The following CIT variants were observed in gnomAD, a reference collection of about 807,000 sequenced individuals.
The protein encoded by CIT is citron rho-interacting serine/threonine kinase, also known as citron Rho-interacting kinase.
A neutral mutation model predicts 272.7 loss-of-function variants in CIT; 79 were observed. The observed-to-expected ratio is 0.29, with a 90% confidence interval of 0.24 to 0.35. CIT has a LOEUF of 0.35. Ranked by LOEUF, CIT falls within the 10% of genes least tolerant of loss-of-function variation. The pLI, the probability that CIT is intolerant of heterozygous loss-of-function variation, is 1.00. For missense variants in CIT, 1,909 were observed against 2,618.3 expected (o/e 0.73, Z 5.91); for synonymous variants, 948 against 995.6 (o/e 0.95, Z 0.90).
rs758261283 is a variant in CIT, at chr12:119,767,108, C to T, written c.2283G>A (p.Gln761=). The change falls in exon 19 of 48, where the codon CAG becomes CAA. Residue 761 remains glutamine, a synonymous_variant. Coordinates refer to ENST00000392521, the MANE Select transcript of CIT (RefSeq NM_001206999.2). ...TTACTTTAATCTTTTCCTCATAGTG[C>T]TGCTCTTTCTGTTTCAGGTGCACTT... ...HLEVHLKQKE[Q]HYEEKIKVLD... is the part of the protein sequence containing the mutation. 1.6e-5 allele frequency: 26 copies of T among 1,610,612 alleles called. No individual in the cohort carries two copies. In the South Asian group the frequency reaches 2.1e-4, roughly 13 times the overall value.
At chr12:119,785,100 C>T in intron 10 of CIT, 35 bp from the exon 11 acceptor site, 2 of 1,608,264 alleles carry the variant, frequency 1.2e-6, no homozygotes, top group East Asian at 4.5e-5. Flanking sequence ...AGGGGGCCTG[C>T]AGGTGGGCCT....
chr12:119,804,002 T>TA lies in CIT; in HGVS notation c.1112-614dup, dbSNP rs1406040798. On this transcript the variant is annotated intron_variant, in intron 9 of 47. Coordinates refer to ENST00000392521, the MANE Select transcript of CIT (RefSeq NM_001206999.2). The surrounding 1 kb of genome is among the most constrained non-coding windows in gnomAD (Gnocchi z 5.3). ...CTTATTAACCACTTTTTTTTTTTTT[T>TA]AGTTCATTATGCATCTTCCCCAGCG... 4.1e-6 allele frequency: 1 copy of TA among 245,340 alleles called. No homozygotes were observed. Among genetic ancestry groups the TA allele is most frequent in the Non-Finnish European group, 6.5e-6 (1 of 153,770 alleles). The allele number at this position is 245,340 out of a possible 1,614,324, so 15.2% of individuals were successfully genotyped here. A position where few individuals can be genotyped will look rare whatever the true frequency, so the allele number is the denominator to read the frequency against.
At chr12:119,838,324 C>T (rs1010272807) in intron 5 of CIT, among the ~76,000 whole-genome samples, 23 of 152,150 alleles carry the variant, frequency 1.5e-4, no homozygotes, top group Admixed American at 1.1e-3. Flanking sequence ...CCACCCGCCT[C>T]GGTCTCCCAA....
rs987963143 is a variant in CIT, at chr12:119,862,721, A to C, written c.239-5023T>G. On this transcript the variant is annotated intron_variant, in intron 3 of 47. Transcript: ENST00000392521. Reference sequence around the variant, plus strand: ...GCTACTCAGGAGGCTGAGGCAGGAGAATTGCTTGAACTCAGGAGGTGGAGG... The same window carrying C: ...GCTACTCAGGAGGCTGAGGCAGGAGCATTGCTTGAACTCAGGAGGTGGAGG... 2.8e-5 allele frequency among the ~76,000 whole-genome samples: 4 copies of C among 143,664 alleles called. No homozygotes were observed. In the East Asian group the frequency reaches 8.9e-4, roughly 32 times the overall value. 94.2% of individuals were successfully genotyped at this position (143,664 alleles called of 152,430 possible).
intron 20 of CIT, 44 bp from the exon 21 acceptor site, chr12:119,758,744 A>G: frequency 7.7e-7 from 1 of 1,295,658 alleles, no homozygotes; most frequent in Non-Finnish European, 1.1e-6. Context: ...CCAGAACAGG[A>G]GTAACAGGGG....
intron 19 of CIT, 53 bp downstream of exon 19, chr12:119,767,034 A>C: frequency 7.5e-7 from 1 of 1,334,998 alleles, no homozygotes; most frequent in Non-Finnish European, 1.0e-6. Flanking sequence ...AAGAGATGGG[A>C]GCTACATGGT....
Position 119,803,328 on chromosome 12 carries a change from T to C in CIT, c.1173A>G (p.Pro391=), listed in dbSNP as rs1434232396. Residue 391 remains proline, a synonymous_variant, in exon 10 of 48, where the codon CCA becomes CCG. Transcript: ENST00000392521. ...SDDDTSNFDE[P]EKNSWVSSSP... ...AGGATGAAACCCACGAATTCTTCTC[T>C]GGTTCATCAAAATTGGAGGTGTCAT... 6.2e-7 allele frequency: 1 copy of C among 1,607,350 alleles called. No individual in the cohort carries two copies. Among genetic ancestry groups the C allele is most frequent in the Admixed American group, 1.7e-5 (1 of 59,344 alleles).
Position 119,720,565 on chromosome 12 carries a change from C to T in CIT, c.3753G>A (p.Lys1251=). 6.2e-7 allele frequency: 1 copy of T among 1,606,558 alleles called. No individual in the cohort carries two copies. The highest frequency in any genetic ancestry group is 1.1e-5 in the South Asian group (1 of 89,116). Residue 1251 remains lysine (K), a synonymous_variant, in exon 30 of 48, where the codon AAG becomes AAA. Coordinates refer to ENST00000392521, the MANE Select transcript of CIT (RefSeq NM_001206999.2). ...GAGAAATAGTGCCTTCCATTTTCAC[C>T]TTTTCATGAGAATAGAGAACCTAAA... ...ENIQVLYSHE[K]VKMEGTISQQ...
At chr12:119,776,461 C>G (rs1037472967) in intron 14 of CIT, 53 bp from the exon 15 acceptor site, 1 of 1,453,984 alleles carries the variant, frequency 6.9e-7, no homozygotes, top group African/African-American at 1.4e-5. Context: ...CTAAAAAAGT[C>G]GTGTAGACTA....
At chr12:119,799,519 G>A (rs763989721) in intron 10 of CIT, among the ~76,000 whole-genome samples, 1 of 152,076 alleles carries the variant, frequency 6.6e-6, no homozygotes, top group Admixed American at 6.5e-5. Flanking sequence ...TGGATCCATC[G>A]CTGTGTTTTC....
chr12:119,857,217 C>T (rs1301320645), intron 4 of CIT, among the ~76,000 whole-genome samples: 1 of 152,150 alleles, frequency 6.6e-6, no homozygotes, highest in Non-Finnish European at 1.5e-5. Context: ...ATCCTGAGTC[C>T]TCAGCTAATG....
chr12:119,776,550 T>A, intron 14 of CIT, 122 bp downstream of exon 14: 1 of 1,144,992 alleles, frequency 8.7e-7, no homozygotes, highest in Non-Finnish European at 1.3e-6. Flanking sequence ...CCAAGAGTTT[T>A]CCAAGGTATC....
Position 119,718,281 on chromosome 12 carries a change from G to A in CIT, c.4132C>T (p.Pro1378Ser). The change falls in exon 32 of 48, where the codon CCA becomes TCA. Residue 1378 changes from proline to serine, a missense_variant. Coordinates refer to ENST00000392521, the MANE Select transcript of CIT (RefSeq NM_001206999.2). This position sits in a 1 kb window ranked among gnomAD's most constrained non-coding sequence, Gnocchi z 4.8. Reference sequence around the variant, plus strand: ...GAAGACTCCTTTCTGCGGCTGGATGGCGGGGCCAGCAGGCTCATGGCACTG... The same window carrying A: ...GAAGACTCCTTTCTGCGGCTGGATGACGGGGCCAGCAGGCTCATGGCACTG... ...QPSAMSLLAP[P>S]SSRRKESSTP... The A allele has an allele frequency of 6.2e-7, 1 of 1,613,684 alleles. No homozygotes were observed. Among genetic ancestry groups the A allele is most frequent in the Non-Finnish European group, 8.5e-7 (1 of 1,179,714 alleles).
Position 119,770,763 on chromosome 12 carries a change from T to C in CIT, c.2208+22A>G. On this transcript the variant is annotated intron_variant, in intron 18 of 47. Transcript: ENST00000392521. This position sits in a 1 kb window ranked among gnomAD's most constrained non-coding sequence, Gnocchi z 4.4. Reference sequence around the variant, plus strand: ...ACTCTAACCTGTTATCTTTTAACTTTGCGACTTTCATTCCTGCTCACCAGA... The same window carrying C: ...ACTCTAACCTGTTATCTTTTAACTTCGCGACTTTCATTCCTGCTCACCAGA... The C allele has an allele frequency of 6.2e-7, 1 of 1,612,786 alleles. No homozygotes were observed. The highest frequency in any genetic ancestry group is 8.5e-7 in the Non-Finnish European group (1 of 1,179,816).
chr12:119,817,251 C>G (rs943551724), intron 9 of CIT, among the ~76,000 whole-genome samples: 4 of 152,058 alleles, frequency 2.6e-5, no homozygotes, highest in Non-Finnish European at 4.4e-5. Context: ...GTGGCTCATG[C>G]CTGTAATCCC....
intron 40 of CIT, among the ~76,000 whole-genome samples, chr12:119,707,534 T>C (rs551586543): frequency 2.0e-5 from 3 of 152,144 alleles, no homozygotes; most frequent in East Asian, 1.9e-4. Flanking sequence ...GTTTTTTTTT[T>C]CCCTGTCACC....
At chr12:119,819,144 C>A (rs755219136) in intron 9 of CIT, among the ~76,000 whole-genome samples, 26 of 152,202 alleles carry the variant, frequency 1.7e-4, no homozygotes, top group East Asian at 7.7e-4. Flanking sequence ...TGGAAAGCAG[C>A]CTTGAAATAA....
chr12:119,861,212 T>C (rs1950326152), intron 3 of CIT, among the ~76,000 whole-genome samples: 1 of 152,012 alleles, frequency 6.6e-6, no homozygotes, highest in African/African-American at 2.4e-5. Flanking sequence ...TGTGCACTTT[T>C]AGCTGCAGTA....
At chr12:119,873,576 A>T (rs141339587) in intron 2 of CIT, among the ~76,000 whole-genome samples, 216 of 152,262 alleles carry the variant, frequency 1.4e-3, no homozygotes, top group African/African-American at 4.7e-3. Flanking sequence ...CACCACGCCC[A>T]GCAAGTTGGA....
Sources: allele counts gnomAD v4.1 joint callset (sites outside exome capture counted in the v4.1 genomes callset), GRCh38; gene constraint gnomAD v4.1.1; non-coding constraint Gnocchi (gnomAD v3.1); transcripts MANE v1.5; gene names NCBI Gene and HGNC (gene_info 2026-07-23, HGNC 2026-07-21).